The following CD22 variants were observed in gnomAD, a reference collection of about 807,000 sequenced individuals.
CD22 encodes B-cell receptor CD22.
CD22 carries 51 observed loss-of-function variants against 94.7 expected under a neutral mutation model. The ratio of observed to expected loss-of-function variants is 0.54; its 90% CI spans 0.43 to 0.68. The LOEUF (loss-of-function observed/expected upper bound fraction) is 0.68. Among genes scored for constraint, CD22 ranks in the 30% least tolerant of loss-of-function variants. The probability of loss-of-function intolerance (pLI) is 0.00; values close to 1 mark genes in which losing one functional copy is unlikely to be tolerated. For missense variants in CD22, 931 were observed against 1,060.4 expected (o/e 0.88, Z 1.69); for synonymous variants, 424 against 422.5 (o/e 1.00, Z -0.04).
intron 3 of CD22, 41 bp downstream of exon 3, chr19:35,332,965 G>GT: frequency 1.3e-6 from 2 of 1,583,820 alleles, no homozygotes; most frequent in Non-Finnish European, 1.7e-6. Flanking sequence ...CTGGGCAGGG[G>GT]TGAGTGGGAG....
Position 35,346,816 on chromosome 19 carries a change from A to C in CD22, c.*119A>C. The C allele has an allele frequency of 4.9e-6, 4 of 819,638 alleles. No individual in the cohort carries two copies. Among genetic ancestry groups the C allele is most frequent in the Non-Finnish European group, 7.4e-6 (4 of 538,482 alleles). 50.8% of individuals were successfully genotyped at this position (819,638 alleles called of 1,614,324 possible). A position where few individuals can be genotyped will look rare whatever the true frequency, so the allele number is the denominator to read the frequency against. On this transcript the variant is annotated 3_prime_UTR_variant, in exon 14 of 14. Coordinates refer to ENST00000085219, the MANE Select transcript of CD22 (RefSeq NM_001771.4). The stretch of plus-strand genomic sequence containing the variant: ...CGCATGTGCGCACACACACACACAC[A>C]CGCACACACACACACACACACTCAC...
In CD22 at chr19:35,335,990, C is replaced by A. The variant is rs139498328; in HGVS notation, c.413-46C>A. On this transcript the variant is annotated intron_variant, in intron 3 of 13. Transcript: ENST00000085219. ...ACATCTAAAGCCAGGTGTACGCTCA[C>A]GTCCTCAGTCCCCCAGGCTCCTGCA... The A allele has an allele frequency of 1.0e-5, 16 of 1,541,922 alleles. No homozygotes were observed. In the East Asian group the frequency reaches 3.6e-4, roughly 35 times the overall value.
intron 3 of CD22, among the ~76,000 whole-genome samples, chr19:35,334,838 G>T (rs1249283513): frequency 5.3e-5 from 8 of 152,034 alleles, no homozygotes; most frequent in Admixed American, 3.3e-4. Flanking sequence ...CAGAACTTTG[G>T]GAGGCCGAGG....
chr19:35,332,826 G>T lies in CD22; in HGVS notation c.314G>T (p.Ser105Ile), dbSNP rs142079105. The T allele has an allele frequency of 1.2e-6, 2 of 1,614,096 alleles. No individual in the cohort carries two copies. The highest frequency in any genetic ancestry group is 1.7e-6 in the Non-Finnish European group (2 of 1,180,046). ...LGDKNKNCTL[S>I]IHPVHLNDSG... ...GACAAGAATAAGAACTGCACACTGA[G>T]TATCCACCCGGTGCACCTCAATGAC... Residue 105 changes from serine to isoleucine, a missense_variant, in exon 3 of 14, where the codon AGT becomes ATT. Transcript: ENST00000085219.
At chr19:35,335,919 G>A (rs1356064147) in intron 3 of CD22, 117 bp from the exon 4 acceptor site, 7 of 767,550 alleles carry the variant, frequency 9.1e-6, no homozygotes, top group South Asian at 3.4e-5. Flanking sequence ...CTGGAGAGAG[G>A]TGGAATGAAG....
intron 9 of CD22, 32 bp from the exon 10 acceptor site, chr19:35,344,797 A>T (rs377352672): frequency 1.5e-4 from 232 of 1,511,004 alleles, no homozygotes; most frequent in Non-Finnish European, 2.0e-4. Context: ...CTGGCCCCTC[A>T]GTTGATTAAG....
Position 35,338,661 on chromosome 19 carries a change from C to T in CD22, c.1249+230C>T, listed in dbSNP as rs200539912. Among the ~76,000 whole-genome samples, 11 of 152,028 alleles carry T rather than the reference C, an allele frequency of 7.2e-5. No individual in the cohort carries two copies. In the East Asian group the frequency reaches 2.2e-3, roughly 30 times the overall value. On this transcript the variant is annotated intron_variant, in intron 6 of 13. Transcript: ENST00000085219. ...TAGTTTTTTTTGAGATGGAGTCTCC[C>T]TCTGTCTCCCAGGCTGGAGTGCAGT...
At chr19:35,346,509 G>C in intron 13 of CD22, 57 bp from the exon 14 acceptor site, 4 of 1,563,234 alleles carry the variant, frequency 2.6e-6, no homozygotes, top group Non-Finnish European at 3.5e-6. Flanking sequence ...GCGGAGAAAA[G>C]CGGCGGTGGA....
intron 1 of CD22, 195 bp from the exon 2 acceptor site, chr19:35,331,824 G>A: frequency 3.5e-6 from 4 of 1,139,398 alleles, no homozygotes; most frequent in East Asian, 2.9e-5. Context: ...TCTAGCCTGG[G>A]AGACAGAGCA....
chr19:35,339,272 T>C (rs2066771238), intron 6 of CD22, among the ~76,000 whole-genome samples: 1 of 151,506 alleles, frequency 6.6e-6, no homozygotes, highest in African/African-American at 2.4e-5. Flanking sequence ...ACTGGGATTA[T>C]AGGTGTGAGC....
intron 3 of CD22, chr19:35,333,187 C>T (rs890196169): frequency 1.0e-5 from 5 of 485,616 alleles, no homozygotes; most frequent in Admixed American, 3.6e-5. Context: ...TTCTTTCTCA[C>T]CATGTATTTT....
At chr19:35,343,841 A>C (rs2066856522) in intron 9 of CD22, among the ~76,000 whole-genome samples, 1 of 152,256 alleles carries the variant, frequency 6.6e-6, no homozygotes, top group Non-Finnish European at 1.5e-5. Flanking sequence ...GTACTTTTTC[A>C]GATTAATAAT....
rs1325227611 is a variant in CD22 at position 35,336,043 on chromosome 19, T to A, written c.420T>A (p.Pro140=). 6.2e-7 allele frequency: 1 copy of A among 1,612,454 alleles called. No homozygotes were observed. Among genetic ancestry groups the A allele is most frequent in the African/African-American group, 1.3e-5 (1 of 74,790 alleles). The change falls in exon 4 of 14, where the codon CCT becomes CCA. Residue 140 remains proline, a synonymous_variant. Coordinates refer to ENST00000085219, the MANE Select transcript of CD22 (RefSeq NM_001771.4). The stretch of plus-strand genomic sequence containing the variant: ...GGCTCTGTTCTTTTGCAGAAAGGCC[T>A]TTTCCACCTCATATCCAGCTCCCTC... ...ERIHLNVSER[P]FPPHIQLPPE...
chr19:35,344,131 G>T (rs879918617), intron 9 of CD22, among the ~76,000 whole-genome samples: 5 of 152,202 alleles, frequency 3.3e-5, no homozygotes, highest in Admixed American at 3.3e-4. Flanking sequence ...GGGAGGCAGA[G>T]GTTGCAGTGA....
At position 35,341,685 on chromosome 19, in the gene CD22, CCCTG is replaced by C. The variant is rs764257327; in HGVS notation, c.1772-14_1772-11del. On this transcript the variant is annotated splice_polypyrimidine_tract_variant and intron_variant, in intron 8 of 13. Coordinates refer to ENST00000085219, the MANE Select transcript of CD22 (RefSeq NM_001771.4). The surrounding 1 kb of genome is among the most constrained non-coding windows in gnomAD (Gnocchi z 4.0). ...CTGGTAGTGACTTCGCACCCCCTCC[CCCTG>C]CCCGCCATGCAGATGCACCCAGGAG... 1 of 1,607,138 alleles carries C rather than the reference CCCTG, an allele frequency of 6.2e-7. No individual in the cohort carries two copies. Among genetic ancestry groups the C allele is most frequent in the Non-Finnish European group, 8.5e-7 (1 of 1,176,840 alleles).
chr19:35,337,221 G>C lies in CD22; in HGVS notation c.719-534G>C, dbSNP rs928541844. ...ACCACTGCACTCCAACCTGGGTGACGAGTGAGACTCCATCTCAAAAAAAGA... is the reference window on the plus strand; with the variant it reads ...ACCACTGCACTCCAACCTGGGTGACCAGTGAGACTCCATCTCAAAAAAAGA... On this transcript the variant is annotated intron_variant, in intron 4 of 13. Coordinates refer to ENST00000085219, the MANE Select transcript of CD22 (RefSeq NM_001771.4). This position sits in a 1 kb window ranked among gnomAD's most constrained non-coding sequence, Gnocchi z 4.4. 6.6e-6 allele frequency among the ~76,000 whole-genome samples: 1 copy of C among 152,032 alleles called. No homozygotes were observed. The highest frequency in any genetic ancestry group is 6.6e-5 in the Admixed American group (1 of 15,250).
At chr19:35,343,948 C>T (rs1300374814) in intron 9 of CD22, among the ~76,000 whole-genome samples, 1 of 152,028 alleles carries the variant, frequency 6.6e-6, no homozygotes, top group Non-Finnish European at 1.5e-5. Context: ...TGGCCACAAG[C>T]ACTTTGGGAG....
Position 35,330,716 on chromosome 19 carries a change from A to C in CD22, c.-22-1303A>C, listed in dbSNP as rs556602992. 7.2e-5 allele frequency: 11 copies of C among 152,324 alleles called. No individual in the cohort carries two copies. The East Asian group carries it at 2.1e-3, about 29-fold the overall frequency. 9.4% of individuals were successfully genotyped at this position (152,324 alleles called of 1,614,324 possible). A position where few individuals can be genotyped will look rare whatever the true frequency, so the allele number is the denominator to read the frequency against. On this transcript the variant is annotated intron_variant, in intron 1 of 13. Coordinates refer to ENST00000085219, the MANE Select transcript of CD22 (RefSeq NM_001771.4). Reference sequence around the variant, plus strand: ...GACCGGAGACACACTCTGCTGTCACATCCTTCAGGGTCCCCGGGGGCCAGC... The same window carrying C: ...GACCGGAGACACACTCTGCTGTCACCTCCTTCAGGGTCCCCGGGGGCCAGC...
Position 35,332,838 on chromosome 19 carries a change from T to C in CD22, c.326T>C (p.Val109Ala), listed in dbSNP as rs1212726948. The C allele has an allele frequency of 1.2e-6, 2 of 1,614,064 alleles. No homozygotes were observed. The highest frequency in any genetic ancestry group is 1.7e-5 in the Admixed American group (1 of 59,986). The stretch of plus-strand genomic sequence containing the variant: ...AACTGCACACTGAGTATCCACCCGG[T>C]GCACCTCAATGACAGTGGTCAGCTG... ...NKNCTLSIHP[V>A]HLNDSGQLGL... Residue 109 changes from valine (V) to alanine (A), a missense_variant, in exon 3 of 14, where the codon GTG (valine) becomes GCG (alanine). Val to Ala is a moderately conservative substitution (Grantham distance 64, BLOSUM62 0). Transcript: ENST00000085219.
Sources: allele counts gnomAD v4.1 joint callset (sites outside exome capture counted in the v4.1 genomes callset), GRCh38; gene constraint gnomAD v4.1.1; non-coding constraint Gnocchi (gnomAD v3.1); transcripts MANE v1.5; gene names NCBI Gene and HGNC (gene_info 2026-07-23, HGNC 2026-07-21).